DENND1A: variants seen among roughly 807,000 people sequenced by gnomAD.
DENND1A encodes the protein DENN domain-containing protein 1A.
Under a neutral mutation model 113.7 loss-of-function variants are expected in DENND1A, and 51 were observed. The observed-to-expected ratio is 0.45, with a 90% CI of 0.36 to 0.57. DENND1A has a LOEUF of 0.57. Among genes scored for constraint, DENND1A ranks in the 20% least tolerant of loss-of-function variants. The probability of loss-of-function intolerance (pLI) is 0.00; values close to 1 mark genes in which losing one functional copy is unlikely to be tolerated. For synonymous variants in DENND1A, 565 were observed against 570.8 expected (o/e 0.99, Z 0.14); for missense variants, 1,258 against 1,395.9 (o/e 0.90, Z 1.57).
chr9:123,464,923 C>T (rs1292759060), intron 13 of DENND1A, among the ~76,000 whole-genome samples: 1 of 138,236 alleles, frequency 7.2e-6, no homozygotes, highest in Admixed American at 8.6e-5. Flanking sequence ...CCGAGGCAGG[C>T]GAATTGTCTG....
chr9:123,552,425 G>A (rs1465734175), intron 13 of DENND1A, among the ~76,000 whole-genome samples: 1 of 152,266 alleles, frequency 6.6e-6, no homozygotes, highest in African/African-American at 2.4e-5. Flanking sequence ...TCAGGGTCCA[G>A]GGAGGCAGAA....
At chr9:123,756,274 AC>A (rs935485606) in intron 5 of DENND1A, among the ~76,000 whole-genome samples, 2 of 152,118 alleles carry the variant, frequency 1.3e-5, no homozygotes, top group African/African-American at 4.8e-5. Context: ...GGGTACCAGT[AC>A]CCTTAAACCC....
At chr9:123,744,259 C>T (rs1408405705) in intron 5 of DENND1A, among the ~76,000 whole-genome samples, 2 of 152,186 alleles carry the variant, frequency 1.3e-5, no homozygotes, top group South Asian at 4.1e-4. Flanking sequence ...ATGGAGATCA[C>T]ATCACATATA....
intron 10 of DENND1A, among the ~76,000 whole-genome samples, chr9:123,618,092 G>GAGAGGTCACTCAGAGCCT (rs2060748122): frequency 6.6e-6 from 1 of 152,216 alleles, no homozygotes; most frequent in South Asian, 2.1e-4. Context: ...CGCACTTGCT[G>GAGAGGTCACTCAGAGCCT]AGAGGTCACT....
rs576813005 is a variant in DENND1A at position 123,431,515 on chromosome 9, C to G, written c.1488+8845G>C. 2.8e-4 allele frequency among the ~76,000 whole-genome samples: 43 copies of G among 152,342 alleles called. No individual in the cohort carries two copies. The South Asian group carries it at 8.9e-3, about 32-fold the overall frequency. On this transcript the variant is annotated intron_variant, in intron 19 of 23. Coordinates refer to ENST00000394215, the MANE Select transcript of DENND1A (RefSeq NM_001352964.2). The stretch of plus-strand genomic sequence containing the variant: ...ACCCAGGAAACTGCCATGTTCTCAG[C>G]ACAGAGTTGGGCAAGAACCCAAGCT...
At chr9:123,452,052 G>C (rs113083622) in intron 17 of DENND1A, among the ~76,000 whole-genome samples, 12,008 of 135,796 alleles carry the variant, frequency 0.088, 560 homozygotes, top group Admixed American at 0.11. Flanking sequence ...AAAAAAGCCA[G>C]GCGTGGTGGT....
At chr9:123,903,777 C>T (rs625695) in intron 1 of DENND1A, among the ~76,000 whole-genome samples, 13,144 of 152,170 alleles carry the variant, frequency 0.086, 952 homozygotes, top group African/African-American at 0.2. Flanking sequence ...AACAGCAAGG[C>T]GGCAGCGAGG....
chr9:123,709,860 T>C (rs2066468302), intron 5 of DENND1A, among the ~76,000 whole-genome samples: 1 of 152,150 alleles, frequency 6.6e-6, no homozygotes, highest in Non-Finnish European at 1.5e-5. Context: ...ACTTGAATAA[T>C]GGGAAGAGGG....
intron 13 of DENND1A, among the ~76,000 whole-genome samples, chr9:123,516,670 G>A (rs1036275247): frequency 4.6e-5 from 7 of 151,810 alleles, no homozygotes; most frequent in East Asian, 1.9e-4. Flanking sequence ...GGCAGATCAC[G>A]AGGTCAGGAG....
intron 5 of DENND1A, among the ~76,000 whole-genome samples, chr9:123,708,496 T>C (rs891590372): frequency 3.9e-5 from 6 of 152,152 alleles, no homozygotes; most frequent in African/African-American, 1.2e-4. Context: ...TAGATGGAAT[T>C]TGGGGCCATT....
intron 13 of DENND1A, among the ~76,000 whole-genome samples, chr9:123,461,504 C>A (rs527469910): frequency 2.0e-5 from 3 of 152,306 alleles, no homozygotes; most frequent in South Asian, 4.1e-4. Context: ...CACCCATGCA[C>A]AGGGAGTTGA....
chr9:123,728,149 T>C (rs987223976), intron 5 of DENND1A, among the ~76,000 whole-genome samples: 2 of 150,126 alleles, frequency 1.3e-5, no homozygotes, highest in East Asian at 2.0e-4. Flanking sequence ...AGATGTACTA[T>C]GTTCATGGAC....
chr9:123,724,516 A>G lies in DENND1A; in HGVS notation c.302+33187T>C, dbSNP rs546339058. Reference sequence around the variant, plus strand: ...AAAAGACAGGACAGAGAAGCATAAAATTAAAAAAAAAAAAAAAGTCATTGA... The same window carrying G: ...AAAAGACAGGACAGAGAAGCATAAAGTTAAAAAAAAAAAAAAAGTCATTGA... On this transcript the variant is annotated intron_variant, in intron 5 of 23. Transcript: ENST00000394215. 1.8e-3 allele frequency among the ~76,000 whole-genome samples: 213 copies of G among 119,234 alleles called. 2 individuals carry two copies. In the East Asian group the frequency reaches 0.04, roughly 22 times the overall value. 78.2% of individuals were successfully genotyped at this position (119,234 alleles called of 152,430 possible).
chr9:123,508,143 T>G (rs766484594), intron 13 of DENND1A, among the ~76,000 whole-genome samples: 2 of 152,172 alleles, frequency 1.3e-5, no homozygotes, highest in Non-Finnish European at 2.9e-5. Context: ...ACTTAGTAAG[T>G]CCAGAGCCAG....
In DENND1A at chr9:123,764,876, A is replaced by G. The variant is rs556959221; in HGVS notation, c.182+4638T>C. ...AACCCAGATCTCCTGCTTGCTGCCT[A>G]CAATAGTCTGTCCACTAAGGCCCAG... On this transcript the variant is annotated intron_variant, in intron 4 of 23. Transcript: ENST00000394215. The surrounding 1 kb of genome is among the most constrained non-coding windows in gnomAD (Gnocchi z 4.1). 6.6e-6 allele frequency among the ~76,000 whole-genome samples: 1 copy of G among 152,298 alleles called. No homozygotes were observed. Among genetic ancestry groups the G allele is most frequent in the African/African-American group, 2.4e-5 (1 of 41,566 alleles).
chr9:123,429,191 T>C (rs2045956406), intron 19 of DENND1A, among the ~76,000 whole-genome samples: 1 of 152,084 alleles, frequency 6.6e-6, no homozygotes, highest in African/African-American at 2.4e-5. Flanking sequence ...CAAAAACAGA[T>C]ATAGACCAAT....
intron 19 of DENND1A, among the ~76,000 whole-genome samples, chr9:123,428,056 CA>C (rs1323076964): frequency 6.6e-6 from 1 of 152,234 alleles, no homozygotes; most frequent in Non-Finnish European, 1.5e-5. Context: ...GTAATCCCAA[CA>C]CTTTGGGAGG....
At chr9:123,629,993 C>T (rs898021319) in intron 10 of DENND1A, among the ~76,000 whole-genome samples, 20 of 152,186 alleles carry the variant, frequency 1.3e-4, no homozygotes, top group African/African-American at 4.8e-4. Flanking sequence ...AATGAAAGGG[C>T]CGTGCAATCA....
At chr9:123,710,546 C>G (rs1384481223) in intron 5 of DENND1A, among the ~76,000 whole-genome samples, 1 of 151,308 alleles carries the variant, frequency 6.6e-6, no homozygotes, top group Non-Finnish European at 1.5e-5. Context: ...CACACACACA[C>G]ACACACACAC....
Sources: allele counts gnomAD v4.1 joint callset (sites outside exome capture counted in the v4.1 genomes callset), GRCh38; gene constraint gnomAD v4.1.1; non-coding constraint Gnocchi (gnomAD v3.1); transcripts MANE v1.5; gene names NCBI Gene and HGNC (gene_info 2026-07-23, HGNC 2026-07-21).